The following RSRC1 variants were observed in gnomAD, a reference collection of about 807,000 sequenced individuals.
RSRC1 encodes the protein arginine and serine rich coiled-coil 1, also known as serine/Arginine-related protein 53.
RSRC1 carries 39 observed loss-of-function variants against 49.1 expected under a neutral mutation model. That is an observed-to-expected ratio of 0.79 (90% confidence interval 0.61 to 1.04). RSRC1 has a LOEUF of 1.04. Ranked by LOEUF, RSRC1 falls within the 50% of genes least tolerant of loss-of-function variation. RSRC1 has a pLI of 0.00. For synonymous variants in RSRC1, 143 were observed against 130.8 expected (o/e 1.09, Z -0.63); for missense variants, 388 against 402.4 (o/e 0.96, Z 0.31).
At chr3:158,116,479 A>G (rs906157364) in intron 1 of RSRC1, among the ~76,000 whole-genome samples, 7 of 152,200 alleles carry the variant, frequency 4.6e-5, no homozygotes, top group Admixed American at 2.0e-4. Context: ...GTGGAAATTT[A>G]GTAAAATTTA....
chr3:158,493,302 C>G (rs1739165114), intron 7 of RSRC1, among the ~76,000 whole-genome samples: 1 of 152,094 alleles, frequency 6.6e-6, no homozygotes. Flanking sequence ...GTCTTTGAAG[C>G]AGTTTTAATC....
intron 7 of RSRC1, among the ~76,000 whole-genome samples, chr3:158,517,627 G>C (rs6780010): frequency 1.3e-5 from 2 of 150,540 alleles, no homozygotes; most frequent in Admixed American, 6.6e-5. Context: ...GGGTCTTGCT[G>C]TGTTGCCCCA....
At chr3:158,312,456 A>C (rs1728186379) in intron 5 of RSRC1, among the ~76,000 whole-genome samples, 1 of 152,168 alleles carries the variant, frequency 6.6e-6, no homozygotes, top group African/African-American at 2.4e-5. Flanking sequence ...TGTCCTTATG[A>C]AGTGTAATTT....
At chr3:158,376,258 A>T (rs1381961661) in intron 6 of RSRC1, among the ~76,000 whole-genome samples, 1 of 143,008 alleles carries the variant, frequency 7.0e-6, no homozygotes, top group Non-Finnish European at 1.5e-5. Flanking sequence ...GTGGTGCAAT[A>T]TTGGCTCACT....
chr3:158,423,953 C>A (rs1219674139), intron 6 of RSRC1, among the ~76,000 whole-genome samples: 1 of 150,476 alleles, frequency 6.6e-6, no homozygotes, highest in Non-Finnish European at 1.5e-5. Context: ...AGTTGCTTAT[C>A]AGCTTAAGGA....
intron 7 of RSRC1, among the ~76,000 whole-genome samples, chr3:158,519,919 G>A (rs1022980414): frequency 3.9e-5 from 6 of 152,072 alleles, no homozygotes; most frequent in Non-Finnish European, 8.8e-5. Flanking sequence ...GGTGCCAGTA[G>A]AGAAAAATGA....
At chr3:158,304,768 A>G (rs1460660820) in intron 5 of RSRC1, among the ~76,000 whole-genome samples, 1 of 152,184 alleles carries the variant, frequency 6.6e-6, no homozygotes, top group Non-Finnish European at 1.5e-5. Flanking sequence ...ACTGCGTATT[A>G]AAACAGACAC....
chr3:158,303,070 G>A (rs923450111), intron 5 of RSRC1: 1 of 152,064 alleles, frequency 6.6e-6, no homozygotes, highest in African/African-American at 2.4e-5. Context: ...CTTTCAGCTG[G>A]GGGGCTTAAT....
At chr3:158,503,290 T>C (rs1485554531) in intron 7 of RSRC1, among the ~76,000 whole-genome samples, 1 of 152,054 alleles carries the variant, frequency 6.6e-6, no homozygotes, top group African/African-American at 2.4e-5. Context: ...AGTGGAGGTA[T>C]TGGGGGAGTG....
chr3:158,251,085 C>T (rs976622160), intron 4 of RSRC1, among the ~76,000 whole-genome samples: 1 of 151,956 alleles, frequency 6.6e-6, no homozygotes, highest in Non-Finnish European at 1.5e-5. Context: ...ACTGTCCTTT[C>T]TCCAGTCTAT....
chr3:158,233,038 T>A (rs921574381), intron 4 of RSRC1, among the ~76,000 whole-genome samples: 2 of 151,996 alleles, frequency 1.3e-5, no homozygotes, highest in Non-Finnish European at 2.9e-5. Context: ...AAAACAGAAA[T>A]GGAATCCAGT....
intron 4 of RSRC1, among the ~76,000 whole-genome samples, chr3:158,295,237 G>A (rs73166388): frequency 0.14 from 20,962 of 146,072 alleles, 1,580 homozygotes; most frequent in Middle Eastern, 0.22. Flanking sequence ...GATTAGAGGA[G>A]GCTGGGAGAA....
chr3:158,241,461 T>A (rs974732137), intron 4 of RSRC1, among the ~76,000 whole-genome samples: 5 of 150,920 alleles, frequency 3.3e-5, no homozygotes, highest in East Asian at 1.9e-4. Flanking sequence ...GTCTCAAAAA[T>A]ATATATATAT....
chr3:158,376,833 A>G (rs1360512044), intron 6 of RSRC1, among the ~76,000 whole-genome samples: 1 of 149,214 alleles, frequency 6.7e-6, no homozygotes, highest in Non-Finnish European at 1.5e-5. Flanking sequence ...TGGCATAGTC[A>G]CTCTATATGA....
chr3:158,267,939 T>C (rs765151454), intron 4 of RSRC1, among the ~76,000 whole-genome samples: 48 of 151,544 alleles, frequency 3.2e-4, no homozygotes, highest in Non-Finnish European at 5.3e-4. Context: ...ATTATTGTTT[T>C]GTTTTATTTT....
chr3:158,476,970 C>T (rs1205357615), intron 7 of RSRC1, among the ~76,000 whole-genome samples: 1 of 152,136 alleles, frequency 6.6e-6, no homozygotes, highest in African/African-American at 2.4e-5. Flanking sequence ...AAGTTGCCTC[C>T]AACCCTCATG....
rs546895381 is a variant in RSRC1, at chr3:158,418,314, G to A, written c.584-42621G>A. ...TCAGAAAATATGCTCCAAAGAGATA[G>A]CACTCTCATGGGTCTGCTTGAATCT... is the stretch of plus-strand genomic sequence containing the variant. On this transcript the variant is annotated intron_variant, in intron 6 of 9. Coordinates refer to ENST00000611884, the MANE Select transcript of RSRC1 (RefSeq NM_001271838.2). Among the ~76,000 whole-genome samples the A allele has an allele frequency of 4.6e-5, 7 of 152,054 alleles. No homozygotes were observed. The South Asian group carries it at 1.5e-3, about 32-fold the overall frequency.
chr3:158,239,350 C>A (rs1427047924), intron 4 of RSRC1, among the ~76,000 whole-genome samples: 2 of 152,152 alleles, frequency 1.3e-5, no homozygotes, highest in Non-Finnish European at 2.9e-5. Context: ...CACCGCAATT[C>A]CATTACTGGG....
At chr3:158,506,019 A>G (rs2108466627) in intron 7 of RSRC1, among the ~76,000 whole-genome samples, 1 of 152,290 alleles carries the variant, frequency 6.6e-6, no homozygotes, top group South Asian at 2.1e-4. Flanking sequence ...CTGGGGAAAT[A>G]CTACAGGACA....
Sources: gnomAD v4.1 joint callset for allele counts (sites outside exome capture counted in the v4.1 genomes callset) on GRCh38, gnomAD v4.1.1 for gene constraint, MANE v1.5 for transcripts, NCBI Gene and HGNC (gene_info 2026-07-23, HGNC 2026-07-21) for gene names.